Variants in ZBTB18 observed in about 807,000 individuals in gnomAD.
ZBTB18 encodes zinc finger and BTB domain-containing protein 18.
In ZBTB18, 2 loss-of-function variants were observed where a neutral mutation model predicts 37.7. That is an observed-to-expected ratio of 0.05 (90% CI 0.02 to 0.17). The LOEUF (loss-of-function observed/expected upper bound fraction) is 0.17, where lower values mean the gene tolerates loss of function less well. Ranked by LOEUF, ZBTB18 falls within the 10% of genes least tolerant of loss-of-function variation. ZBTB18 has a pLI of 1.00. For synonymous variants in ZBTB18, 304 were observed against 276.5 expected, an observed-to-expected ratio of 1.10 and a Z score of -0.99; for missense variants, 408 against 686.3, an observed-to-expected ratio of 0.59 and a Z score of 4.53.
upstream of ZBTB18, chr1:244,049,042 GCCCCGGCA>G (rs1402187548): frequency 6.8e-6 from 1 of 146,718 alleles, no homozygotes; most frequent in African/African-American, 2.5e-5. Flanking sequence ...CCCCCTCCGC[GCCCCGGCA>G]CCCCGGCGGG....
At position 244,055,292 on chromosome 1, in the gene ZBTB18, G is replaced by C. The variant is rs148342414; in HGVS notation, c.1518G>C (p.Ser506=). Residue 506 remains serine, a synonymous_variant, in exon 2 of 2, where the codon TCG becomes TCC. Transcript: ENST00000358704. The surrounding 1 kb of genome is among the most constrained non-coding windows in gnomAD (Gnocchi z 7.0). ...ACTGTGAGTTGGTGAACTCCTTGTC[G>C]GTCAAAAGCGAAGCACTGAGCTTGC... The part of the protein sequence containing the change: ...KFHCELVNSL[S]VKSEALSLPT... The C allele has an allele frequency of 1.9e-6, 3 of 1,613,572 alleles. No individual in the cohort carries two copies. The highest frequency in any genetic ancestry group is 1.7e-6 in the Non-Finnish European group (2 of 1,179,850).
chr1:244,053,582 G>T lies in ZBTB18; in HGVS notation c.14-206G>T, dbSNP rs776053746. ...GATGCGTCGGAAGCTCTTTGGCGGG[G>T]GTGAGGAAGTTCAGAAAGTGTGCAT... On this transcript the variant is annotated intron_variant, in intron 1 of 1. Transcript: ENST00000358704. The surrounding 1 kb of genome is among the most constrained non-coding windows in gnomAD (Gnocchi z 5.2). The T allele has an allele frequency of 3.4e-6, 1 of 295,230 alleles. No homozygotes were observed. Among genetic ancestry groups the T allele is most frequent in the African/African-American group, 2.3e-5 (1 of 44,186 alleles). The allele number at this position is 295,230 out of a possible 1,614,324, so 18.3% of individuals were successfully genotyped here.
At chr1:244,049,908 C>T (rs890375497), upstream of ZBTB18, among the ~76,000 whole-genome samples, 2 of 152,158 alleles carry the variant, frequency 1.3e-5, no homozygotes, top group Admixed American at 6.5e-5. Flanking sequence ...GTCACTCACC[C>T]CCCACCCCAC....
rs1698491323 is a variant in ZBTB18, at chr1:244,057,174, A to T, written c.*1804A>T. The T allele has an allele frequency of 6.0e-6, 1 of 167,098 alleles. No homozygotes were observed. Among genetic ancestry groups the T allele is most frequent in the South Asian group, 2.1e-4 (1 of 4,836 alleles). 10.4% of individuals were successfully genotyped at this position (167,098 alleles called of 1,614,324 possible). ...TACTTGAAGAGTTTCTAGTTTTTTT[A>T]AAATACAGTTTATGTTAAAATAATT... is the stretch of plus-strand genomic sequence containing the variant. On this transcript the variant is annotated 3_prime_UTR_variant, in exon 2 of 2. Coordinates refer to ENST00000358704, the MANE Select transcript of ZBTB18 (RefSeq NM_205768.3).
At chr1:244,050,820 A>G (rs1453974117), upstream of ZBTB18, among the ~76,000 whole-genome samples, 1 of 152,202 alleles carries the variant, frequency 6.6e-6, no homozygotes, top group African/African-American at 2.4e-5. Context: ...AAAAATAAAA[A>G]AGTGCGGTAA....
rs952055503 is a variant in ZBTB18, at chr1:244,056,280, A to T, written c.*910A>T. The stretch of plus-strand genomic sequence containing the variant: ...AAAATAACACCATTTGGAAAAAAAA[A>T]CTGGTGTTATGAAGAACGTAAATGC... On this transcript the variant is annotated 3_prime_UTR_variant, in exon 2 of 2. Coordinates refer to ENST00000358704, the MANE Select transcript of ZBTB18 (RefSeq NM_205768.3). The T allele has an allele frequency of 6.0e-6, 1 of 167,100 alleles. No individual in the cohort carries two copies. Among genetic ancestry groups the T allele is most frequent in the African/African-American group, 2.4e-5 (1 of 41,460 alleles). The allele number at this position is 167,100 out of a possible 1,614,324, so 10.4% of individuals were successfully genotyped here.
chr1:244,050,110 C>CG (rs756645411), upstream of ZBTB18, among the ~76,000 whole-genome samples: 7 of 152,332 alleles, frequency 4.6e-5, no homozygotes, highest in East Asian at 7.7e-4. Flanking sequence ...AAGGACAGGA[C>CG]GGAGTCGTCG....
chr1:244,052,070 G>A (rs941378266), intron 1 of ZBTB18, among the ~76,000 whole-genome samples: 2 of 152,172 alleles, frequency 1.3e-5, no homozygotes, highest in Non-Finnish European at 2.9e-5. Flanking sequence ...TTATTTGCAG[G>A]AGTTTTTGTG....
rs751162357 is a variant in ZBTB18, at chr1:244,054,959, G to C, written c.1185G>C (p.Gln395His). 9.3e-6 allele frequency: 15 copies of C among 1,614,092 alleles called. No homozygotes were observed. Among genetic ancestry groups the C allele is most frequent in the Non-Finnish European group, 1.0e-5 (12 of 1,180,002 alleles). The change falls in exon 2 of 2, where the codon CAG becomes CAC. Residue 395 changes from glutamine to histidine, a missense_variant. Around this residue, in one of 4 missense-constraint regions of ZBTB18, gnomAD observed 266 missense variants for 312.0 expected, o/e 0.85. Coordinates refer to ENST00000358704, the MANE Select transcript of ZBTB18 (RefSeq NM_205768.3). This position sits in a 1 kb window ranked among gnomAD's most constrained non-coding sequence, Gnocchi z 9.0. ...TCTTCCCCAGCCCCCACATCCTGCA[G>C]ATCCACCTGAGCACGCACTTCCGCG... ...NKVFPSPHIL[Q>H]IHLSTHFREQ...
chr1:244,055,010 C>T lies in ZBTB18; in HGVS notation c.1236C>T (p.Pro412=), dbSNP rs766458749. The stretch of plus-strand genomic sequence containing the variant: ...AGCAGGACGGCATCCGCAGCAAGCC[C>T]GCCGCCGATGTCAACGTGCCCACGT... ...FREQDGIRSK[P]AADVNVPTCS... The change falls in exon 2 of 2, where the codon CCC becomes CCT. Residue 412 remains proline, a synonymous_variant. Transcript: ENST00000358704. The surrounding 1 kb of genome is among the most constrained non-coding windows in gnomAD (Gnocchi z 7.0). 12 of 1,614,160 alleles carry T rather than the reference C, an allele frequency of 7.4e-6. No individual in the cohort carries two copies. Among genetic ancestry groups the T allele is most frequent in the South Asian group, 1.1e-5 (1 of 91,086 alleles).
intron 1 of ZBTB18, among the ~76,000 whole-genome samples, chr1:244,051,892 T>C (rs941346902): frequency 6.6e-6 from 1 of 152,190 alleles, no homozygotes; most frequent in Admixed American, 6.5e-5. Context: ...CTTCAAAACA[T>C]TGAGCAGCAC....
chr1:244,048,497 C>T (rs879889706), upstream of ZBTB18, among the ~76,000 whole-genome samples: 21 of 151,714 alleles, frequency 1.4e-4, no homozygotes, highest in East Asian at 3.5e-3. Flanking sequence ...TCGCAGAAGC[C>T]CAACGCCCGG....
upstream of ZBTB18, among the ~76,000 whole-genome samples, chr1:244,049,233 C>T (rs1448471883): frequency 7.1e-5 from 7 of 98,622 alleles, no homozygotes; most frequent in East Asian, 3.3e-4. Context: ...GCTGCAGCTG[C>T]GGGGTCGGGC....
upstream of ZBTB18, among the ~76,000 whole-genome samples, chr1:244,049,934 A>G (rs552216200): frequency 1.4e-3 from 209 of 152,306 alleles, 1 homozygote; most frequent in African/African-American, 4.5e-3. Flanking sequence ...AAATGGGGTG[A>G]TTAATGTCTG....
At chr1:244,049,458 G>C (rs934704043), upstream of ZBTB18, among the ~76,000 whole-genome samples, 1 of 150,872 alleles carries the variant, frequency 6.6e-6, no homozygotes, top group Non-Finnish European at 1.5e-5. Context: ...CCGGGGGAGG[G>C]GGCCGGCGGG....
Position 244,053,700 on chromosome 1 carries a change from A to G in ZBTB18, c.14-88A>G, listed in dbSNP as rs1698396881. On this transcript the variant is annotated intron_variant, in intron 1 of 1. Transcript: ENST00000358704. This position sits in a 1 kb window ranked among gnomAD's most constrained non-coding sequence, Gnocchi z 5.2. The stretch of plus-strand genomic sequence containing the variant: ...TTCAGGGACATGTACCACGGCGGCC[A>G]AAGCGGAATTAATTTTTTTATATGG... The G allele has an allele frequency of 6.6e-7, 1 of 1,519,450 alleles. No homozygotes were observed. The highest frequency in any genetic ancestry group is 8.8e-7 in the Non-Finnish European group (1 of 1,136,194). 94.1% of individuals were successfully genotyped at this position (1,519,450 alleles called of 1,614,324 possible). A position where few individuals can be genotyped will look rare whatever the true frequency, so the allele number is the denominator to read the frequency against.
rs1196653899 is a variant in ZBTB18 at position 244,054,872 on chromosome 1, C to G, written c.1098C>G (p.Pro366=). 1 of 1,614,010 alleles carries G rather than the reference C, an allele frequency of 6.2e-7. No individual in the cohort carries two copies. The highest frequency in any genetic ancestry group is 1.7e-5 in the Admixed American group (1 of 59,998). ...VEGGMESSLL[P]YVSNILSPAG... ...GAGGCATGGAGAGCAGTCTGCTCCC[C>G]TACGTCTCCAACATCCTGAGCCCCG... is the stretch of plus-strand genomic sequence containing the variant. Residue 366 remains proline, a synonymous_variant, in exon 2 of 2, where the codon CCC becomes CCG. Coordinates refer to ENST00000358704, the MANE Select transcript of ZBTB18 (RefSeq NM_205768.3). The surrounding 1 kb of genome is among the most constrained non-coding windows in gnomAD (Gnocchi z 9.0).
At chr1:244,049,128 G>A (rs931182364), upstream of ZBTB18, 3 of 144,686 alleles carry the variant, frequency 2.1e-5, no homozygotes, top group African/African-American at 7.5e-5. Flanking sequence ...CGGGTCGGGG[G>A]CGCCCCCGCG....
In ZBTB18 at chr1:244,056,259, T is replaced by C. The variant is rs1698465624; in HGVS notation, c.*889T>C. 2 of 166,972 alleles carry C rather than the reference T, an allele frequency of 1.2e-5. No individual in the cohort carries two copies. Among genetic ancestry groups the C allele is most frequent in the South Asian group, 4.1e-4 (2 of 4,820 alleles). 10.3% of individuals were successfully genotyped at this position (166,972 alleles called of 1,614,324 possible). On this transcript the variant is annotated 3_prime_UTR_variant, in exon 2 of 2. Transcript: ENST00000358704. Reference sequence around the variant, plus strand: ...AAATTATTTAATTTCCTTAGAAAAATAACACCATTTGGAAAAAAAAACTGG... The same window carrying C: ...AAATTATTTAATTTCCTTAGAAAAACAACACCATTTGGAAAAAAAAACTGG...
Sources: allele counts gnomAD v4.1 joint callset (sites outside exome capture counted in the v4.1 genomes callset), GRCh38; gene constraint gnomAD v4.1.1; regional missense constraint gnomAD v4.1.1; non-coding constraint Gnocchi (gnomAD v3.1); transcripts MANE v1.5; gene names NCBI Gene and HGNC (gene_info 2026-07-23, HGNC 2026-07-21).